Variants in HIPK3 observed in about 807,000 individuals in gnomAD.
HIPK3 encodes homeodomain-interacting protein kinase 3.
A neutral mutation model predicts 124.2 loss-of-function variants in HIPK3; 47 were observed. The ratio of observed to expected loss-of-function variants is 0.38; its 90% CI spans 0.30 to 0.48. HIPK3 has a LOEUF of 0.48. Ranked by LOEUF, HIPK3 falls within the 20% of genes least tolerant of loss-of-function variation. The pLI is 0.98. For synonymous variants in HIPK3, 482 were observed against 515.2 expected (o/e 0.94, Z 0.87); for missense variants, 1,286 against 1,454.3 (o/e 0.88, Z 1.88).
chr11:33,263,587 A>T (rs1043606173), intron 1 of HIPK3, among the ~76,000 whole-genome samples: 2 of 152,158 alleles, frequency 1.3e-5, no homozygotes, highest in African/African-American at 4.8e-5. Flanking sequence ...AAGTGCTGGG[A>T]TTACAGTAAG....
intron 1 of HIPK3, chr11:33,258,383 C>T (rs1388418481): frequency 5.1e-6 from 5 of 985,792 alleles, no homozygotes; most frequent in Non-Finnish European, 4.8e-6. Flanking sequence ...GCACCCCAGC[C>T]GATGGCCGCG....
At chr11:33,282,023 C>A (rs1851425266) in intron 1 of HIPK3, among the ~76,000 whole-genome samples, 1 of 152,092 alleles carries the variant, frequency 6.6e-6, no homozygotes, top group African/African-American at 2.4e-5. Context: ...GTGTACTGTT[C>A]TTCTATATTT....
chr11:33,306,971 C>T (rs1852179319), intron 2 of HIPK3, among the ~76,000 whole-genome samples: 1 of 146,728 alleles, frequency 6.8e-6, no homozygotes, highest in Non-Finnish European at 1.5e-5. Context: ...TGGAATCTCA[C>T]TCTGTCGCCC....
upstream of HIPK3, among the ~76,000 whole-genome samples, chr11:33,257,104 A>T (rs946923019): frequency 6.6e-6 from 1 of 152,164 alleles, no homozygotes; most frequent in Non-Finnish European, 1.5e-5. Flanking sequence ...GGTTCAGAAC[A>T]GCAGAGCCGG....
chr11:33,346,767 CAGAA>C (rs1565097649), intron 8 of HIPK3, among the ~76,000 whole-genome samples: 2 of 152,096 alleles, frequency 1.3e-5, no homozygotes, highest in Non-Finnish European at 2.9e-5. Flanking sequence ...CATTTTGAAA[CAGAA>C]AGGGAAGCTT....
At chr11:33,323,987 T>G (rs1852738576) in intron 2 of HIPK3, among the ~76,000 whole-genome samples, 1 of 152,232 alleles carries the variant, frequency 6.6e-6, no homozygotes, top group Non-Finnish European at 1.5e-5. Flanking sequence ...CTCTGCAATA[T>G]CCTTAGCACT....
At chr11:33,315,298 C>T (rs770407844) in intron 2 of HIPK3, among the ~76,000 whole-genome samples, 8 of 152,234 alleles carry the variant, frequency 5.3e-5, no homozygotes, top group African/African-American at 9.6e-5. Flanking sequence ...GTGATCTTGA[C>T]TCACTGCAAC....
intron 2 of HIPK3, among the ~76,000 whole-genome samples, chr11:33,307,819 T>G (rs770030046): frequency 1.3e-5 from 2 of 151,988 alleles, no homozygotes; most frequent in Non-Finnish European, 2.9e-5. Context: ...ATTCTCCTTA[T>G]GAAACTTTTG....
chr11:33,338,895 G>A, intron 5 of HIPK3, 52 bp downstream of exon 5: 1 of 1,275,596 alleles, frequency 7.8e-7, no homozygotes, highest in Non-Finnish European at 1.1e-6. Context: ...TGGTAGACTT[G>A]AATGCCAAGG....
chr11:33,300,502 A>G (rs1373548423), intron 2 of HIPK3, among the ~76,000 whole-genome samples: 1 of 152,346 alleles, frequency 6.6e-6, no homozygotes, highest in South Asian at 2.1e-4. Context: ...TTTTTTAGCT[A>G]TCAAGTATTT....
chr11:33,272,645 C>T (rs943334191), intron 1 of HIPK3, among the ~76,000 whole-genome samples: 4 of 149,730 alleles, frequency 2.7e-5, no homozygotes, highest in African/African-American at 9.8e-5. Flanking sequence ...TTTTCCTTTC[C>T]CTTCCCTTCC....
At chr11:33,316,621 G>A (rs1343592472) in intron 2 of HIPK3, among the ~76,000 whole-genome samples, 3 of 152,068 alleles carry the variant, frequency 2.0e-5, no homozygotes, top group Non-Finnish European at 4.4e-5. Flanking sequence ...CCAGGAGTTC[G>A]AGACCAGCCT....
chr11:33,319,266 G>A (rs1037665089), intron 2 of HIPK3, among the ~76,000 whole-genome samples: 11 of 152,182 alleles, frequency 7.2e-5, no homozygotes, highest in African/African-American at 2.2e-4. Flanking sequence ...GGAGACCGAG[G>A]CAGGTGGGTC....
At chr11:33,284,892 C>T (rs1269829518) in intron 1 of HIPK3, among the ~76,000 whole-genome samples, 1 of 152,106 alleles carries the variant, frequency 6.6e-6, no homozygotes, top group Non-Finnish European at 1.5e-5. Flanking sequence ...AGATGGAAGG[C>T]AGATCTAACA....
At chr11:33,314,245 A>G (rs1030625892) in intron 2 of HIPK3, among the ~76,000 whole-genome samples, 5 of 152,230 alleles carry the variant, frequency 3.3e-5, no homozygotes. Flanking sequence ...CTGAGAGATC[A>G]TGAAAAGTTA....
At chr11:33,350,008 G>A (rs1853610386) in intron 14 of HIPK3, among the ~76,000 whole-genome samples, 1 of 151,764 alleles carries the variant, frequency 6.6e-6, no homozygotes, top group African/African-American at 2.4e-5. Context: ...CAGGTGATCT[G>A]CCTGCCTCAG....
chr11:33,297,125 A>T (rs1279683913), intron 2 of HIPK3, among the ~76,000 whole-genome samples: 1 of 138,080 alleles, frequency 7.2e-6, no homozygotes, highest in Admixed American at 8.0e-5. Flanking sequence ...GGAGTCTCTC[A>T]CCCTGTTGCC....
intron 1 of HIPK3, among the ~76,000 whole-genome samples, chr11:33,281,391 T>C (rs1314883343): frequency 6.6e-6 from 1 of 152,204 alleles, no homozygotes; most frequent in Non-Finnish European, 1.5e-5. Flanking sequence ...TTATGACTCA[T>C]TTCATTTTCT....
chr11:33,294,117 G>A (rs959867894), intron 2 of HIPK3, among the ~76,000 whole-genome samples: 29 of 150,596 alleles, frequency 1.9e-4, no homozygotes, highest in Non-Finnish European at 3.5e-4. Context: ...TCGCGCCATT[G>A]CACTCCAGCC....
Sources: gnomAD v4.1 joint callset for allele counts (sites outside exome capture counted in the v4.1 genomes callset) on GRCh38, gnomAD v4.1.1 for gene constraint, MANE v1.5 for transcripts, NCBI Gene and HGNC (gene_info 2026-07-23, HGNC 2026-07-21) for gene names.